DNAH14: variants seen among roughly 807,000 people sequenced by gnomAD.
DNAH14 encodes the protein dynein axonemal heavy chain 14.
DNAH14 carries 478 observed loss-of-function variants against 520.9 expected under a neutral mutation model. The ratio of observed to expected loss-of-function variants is 0.92; its 90% CI spans 0.85 to 0.99. The LOEUF (loss-of-function observed/expected upper bound fraction) is 0.99. Among genes scored for constraint, DNAH14 ranks in the 50% least tolerant of loss-of-function variants. The probability of loss-of-function intolerance (pLI) is 0.00; values close to 1 mark genes in which losing one functional copy is unlikely to be tolerated. For synonymous variants in DNAH14, 1,581 were observed against 1,757.2 expected, an observed-to-expected ratio of 0.90 and a Z score of 2.51; for missense variants, 4,831 against 5,234.5, an observed-to-expected ratio of 0.92 and a Z score of 2.38.
At chr1:225,267,991 A>G (rs2093180610) in intron 49 of DNAH14, among the ~76,000 whole-genome samples, 1 of 152,072 alleles carries the variant, frequency 6.6e-6, no homozygotes, top group Non-Finnish European at 1.5e-5. Flanking sequence ...AAAATAGGTC[A>G]CAGTAGGTCT....
intron 41 of DNAH14, among the ~76,000 whole-genome samples, chr1:225,228,078 TG>T (rs2090722679): frequency 6.6e-6 from 1 of 152,170 alleles, no homozygotes; most frequent in Non-Finnish European, 1.5e-5. Context: ...CCTCTGCCCT[TG>T]CCATCTTAGA....
At chr1:225,286,614 T>C (rs1246394727) in intron 54 of DNAH14, among the ~76,000 whole-genome samples, 1 of 152,176 alleles carries the variant, frequency 6.6e-6, no homozygotes, top group Non-Finnish European at 1.5e-5. Flanking sequence ...GGAACTCTCA[T>C]TCATAGCTGG....
At chr1:225,158,479 G>C (rs1458122153) in intron 34 of DNAH14, among the ~76,000 whole-genome samples, 1 of 152,154 alleles carries the variant, frequency 6.6e-6, no homozygotes, top group African/African-American at 2.4e-5. Flanking sequence ...AATAATAACT[G>C]GGGCTGTCCA....
intron 80 of DNAH14, 51 bp downstream of exon 80, chr1:225,380,373 G>A: frequency 6.7e-7 from 1 of 1,492,964 alleles, no homozygotes; most frequent in Non-Finnish European, 8.9e-7. Flanking sequence ...CCTCAAGAAA[G>A]GACTCTGGTG....
At chr1:224,994,050 A>T (rs920290786) in intron 8 of DNAH14, among the ~76,000 whole-genome samples, 1 of 152,074 alleles carries the variant, frequency 6.6e-6, no homozygotes, top group African/African-American at 2.4e-5. Flanking sequence ...AAAATAATTG[A>T]TACTGTTTCA....
chr1:224,969,713 AT>A, intron 7 of DNAH14: 1 of 252,690 alleles, frequency 4.0e-6, no homozygotes, highest in Non-Finnish European at 7.3e-6. Context: ...ATGAACATTT[AT>A]TAGTTCCCCA....
At position 225,109,116 on chromosome 1, in the gene DNAH14, A is replaced by G. The variant is rs182269904; in HGVS notation, c.3867+8232A>G. On this transcript the variant is annotated intron_variant, in intron 23 of 85. Coordinates refer to ENST00000682510, the MANE Select transcript of DNAH14 (RefSeq NM_001367479.1). Reference sequence around the variant, plus strand: ...ACTAGTTTGCTATTTTGGTTGCTGTAGTTCTGTGATACAGTTTAAAGTCAG... The same window carrying G: ...ACTAGTTTGCTATTTTGGTTGCTGTGGTTCTGTGATACAGTTTAAAGTCAG... Among the ~76,000 whole-genome samples the G allele has an allele frequency of 1.2e-3, 184 of 152,252 alleles. 2 individuals carry two copies. Among genetic ancestry groups the G allele is most frequent in the Middle Eastern group, 6.8e-3 (2 of 294 alleles).
intron 15 of DNAH14, among the ~76,000 whole-genome samples, chr1:225,045,289 A>G (rs1572671799): frequency 6.6e-6 from 1 of 151,100 alleles, no homozygotes; most frequent in African/African-American, 2.4e-5. Flanking sequence ...AGTTTCTATA[A>G]TGAGATAATT....
chr1:225,055,246 C>T (rs543323078), intron 17 of DNAH14, among the ~76,000 whole-genome samples: 42 of 152,208 alleles, frequency 2.8e-4, no homozygotes, highest in Non-Finnish European at 4.1e-4. Context: ...AGAATGGTGT[C>T]GTTTTCTAAT....
intron 42 of DNAH14, among the ~76,000 whole-genome samples, chr1:225,237,431 T>G (rs2091668164): frequency 6.6e-6 from 1 of 152,214 alleles, no homozygotes; most frequent in African/African-American, 2.4e-5. Flanking sequence ...ATGTTGAATA[T>G]TGGCCCCCAA....
At chr1:225,071,531 G>A (rs3102113) in intron 17 of DNAH14, among the ~76,000 whole-genome samples, 121,318 of 152,102 alleles carry the variant, frequency 0.8, 51,748 homozygotes, top group Non-Finnish European at 0.96. Context: ...GATTTGTAGG[G>A]TTTCCACTGA....
At chr1:225,226,498 A>G (rs1367195043) in intron 41 of DNAH14, among the ~76,000 whole-genome samples, 1 of 152,204 alleles carries the variant, frequency 6.6e-6, no homozygotes, top group East Asian at 1.9e-4. Flanking sequence ...AAAGCCGGAA[A>G]AGTAATGGAT....
intron 4 of DNAH14, 77 bp from the exon 5 acceptor site, chr1:224,964,402 T>A: frequency 7.2e-7 from 1 of 1,383,892 alleles, no homozygotes; most frequent in African/African-American, 1.5e-5. Context: ...TATAGAAATA[T>A]TTGTAATATT....
chr1:225,367,734 A>C (rs2095571386), intron 76 of DNAH14, 71 bp from the exon 77 acceptor site: 4 of 1,080,418 alleles, frequency 3.7e-6, no homozygotes, highest in Non-Finnish European at 1.3e-6. Flanking sequence ...GTGTTGTAGA[A>C]AGACAAGTGC....
At chr1:225,032,802 T>C (rs1437692091) in intron 11 of DNAH14, among the ~76,000 whole-genome samples, 2 of 152,174 alleles carry the variant, frequency 1.3e-5, no homozygotes, top group African/African-American at 4.8e-5. Flanking sequence ...TATCTTATTG[T>C]GGTTTTGATT....
At chr1:225,069,290 T>G (rs1194819842) in intron 17 of DNAH14, among the ~76,000 whole-genome samples, 1 of 152,190 alleles carries the variant, frequency 6.6e-6, no homozygotes, top group African/African-American at 2.4e-5. Flanking sequence ...TGCCAGTTTT[T>G]AAGGGGAATG....
chr1:225,208,440 T>G (rs976960785), intron 41 of DNAH14, among the ~76,000 whole-genome samples: 7 of 152,152 alleles, frequency 4.6e-5, no homozygotes, highest in African/African-American at 1.7e-4. Context: ...TCAGAATGCA[T>G]CAGGAAGAGC....
At chr1:224,955,202 A>G in intron 3 of DNAH14, 104 bp downstream of exon 3, 1 of 1,209,426 alleles carries the variant, frequency 8.3e-7, no homozygotes, top group African/African-American at 1.5e-5. Flanking sequence ...AGTGAAACAT[A>G]TTGAAATATT....
At chr1:225,178,628 C>T (rs2083608121) in intron 36 of DNAH14, among the ~76,000 whole-genome samples, 1 of 152,198 alleles carries the variant, frequency 6.6e-6, no homozygotes, top group Admixed American at 6.5e-5. Flanking sequence ...TTTGATTTTA[C>T]AAGCCCATAG....
Sources: allele counts gnomAD v4.1 joint callset (sites outside exome capture counted in the v4.1 genomes callset), GRCh38; gene constraint gnomAD v4.1.1; transcripts MANE v1.5; gene names NCBI Gene and HGNC (gene_info 2026-07-23, HGNC 2026-07-21).